Variants in MAGI2 observed in about 807,000 individuals in gnomAD.
The protein encoded by MAGI2 is membrane-associated guanylate kinase, WW and PDZ domain-containing protein 2.
Under a neutral mutation model 133.3 loss-of-function variants are expected in MAGI2, and 35 were observed. The observed-to-expected ratio is 0.26, with a 90% CI of 0.20 to 0.35. MAGI2 has a LOEUF of 0.35. MAGI2 is among the 10% of genes least tolerant of loss of function. The pLI is 1.00. For missense variants in MAGI2, 1,636 were observed against 1,863.4 expected (o/e 0.88, Z 2.25); for synonymous variants, 729 against 710.6 (o/e 1.03, Z -0.41).
intron 9 of MAGI2, among the ~76,000 whole-genome samples, chr7:78,307,807 AT>A (rs1798365322): frequency 6.6e-6 from 1 of 152,176 alleles, no homozygotes; most frequent in Non-Finnish European, 1.5e-5. Flanking sequence ...TATGATTAAA[AT>A]TTTCCAGAAT....
At chr7:78,109,328 A>AAAAAAAG (rs1363389946) in intron 20 of MAGI2, among the ~76,000 whole-genome samples, 26 of 136,382 alleles carry the variant, frequency 1.9e-4, no homozygotes, top group Non-Finnish European at 3.4e-4. Context: ...AAAAAAAAAA[A>AAAAAAAG]AAAAAAGAAA....
chr7:78,115,514 G>A (rs1819776266), intron 20 of MAGI2, among the ~76,000 whole-genome samples: 1 of 152,122 alleles, frequency 6.6e-6, no homozygotes, highest in African/African-American at 2.4e-5. Context: ...AAGGATAAAA[G>A]AGACATACCA....
At chr7:79,069,894 G>A (rs776020574) in intron 1 of MAGI2, among the ~76,000 whole-genome samples, 1 of 152,112 alleles carries the variant, frequency 6.6e-6, no homozygotes, top group Non-Finnish European at 1.5e-5. Flanking sequence ...GTAATTCTGG[G>A]TTGAAAATTC....
At chr7:78,255,603 A>C (rs1792884636) in intron 10 of MAGI2, 1 of 494,138 alleles carries the variant, frequency 2.0e-6, no homozygotes, top group South Asian at 2.6e-5. Context: ...AATCAATGGG[A>C]AACCAGTTTG....
chr7:79,135,975 GAA>G (rs1237016344), intron 1 of MAGI2, among the ~76,000 whole-genome samples: 2 of 30,494 alleles, frequency 6.6e-5, no homozygotes, highest in South Asian at 1.3e-3. Flanking sequence ...AAGAAAGAAA[GAA>G]AGAAAGAAAG....
At chr7:78,068,590 C>T (rs1814105966) in intron 21 of MAGI2, among the ~76,000 whole-genome samples, 1 of 152,098 alleles carries the variant, frequency 6.6e-6, no homozygotes, top group African/African-American at 2.4e-5. Context: ...GAACCTAAAA[C>T]TGCTCTAAAA....
intron 9 of MAGI2, among the ~76,000 whole-genome samples, chr7:78,313,429 A>T (rs959343337): frequency 3.3e-5 from 5 of 152,134 alleles, no homozygotes; most frequent in African/African-American, 1.2e-4. Context: ...GACATAAAAA[A>T]ATTCAAATTC....
At chr7:78,604,931 T>C (rs549249786) in intron 3 of MAGI2, among the ~76,000 whole-genome samples, 28 of 152,278 alleles carry the variant, frequency 1.8e-4, no homozygotes, top group South Asian at 4.1e-4. Flanking sequence ...AATACCCCCA[T>C]ACATCCCCCT....
At chr7:78,214,003 T>G (rs1450019167) in intron 10 of MAGI2, among the ~76,000 whole-genome samples, 1 of 152,202 alleles carries the variant, frequency 6.6e-6, no homozygotes, top group Non-Finnish European at 1.5e-5. Flanking sequence ...TGATTGCTGT[T>G]GAGTTGGAAT....
chr7:78,405,563 G>A (rs946787487), intron 6 of MAGI2, among the ~76,000 whole-genome samples: 13 of 152,066 alleles, frequency 8.5e-5, no homozygotes, highest in Admixed American at 2.6e-4. Flanking sequence ...GAGCAGTTAC[G>A]AAATACTAGA....
chr7:78,494,418 T>A (rs1793904894), intron 5 of MAGI2, among the ~76,000 whole-genome samples: 1 of 152,168 alleles, frequency 6.6e-6, no homozygotes, highest in Non-Finnish European at 1.5e-5. Flanking sequence ...ATGGATGCAG[T>A]ATGTGTTAGG....
At chr7:79,200,318 G>A (rs561293443) in intron 1 of MAGI2, among the ~76,000 whole-genome samples, 5 of 151,752 alleles carry the variant, frequency 3.3e-5, no homozygotes, top group Non-Finnish European at 5.9e-5. Flanking sequence ...CCTTACAACT[G>A]TTTCAAACAC....
At chr7:78,520,230 T>A (rs1306978476) in intron 4 of MAGI2, among the ~76,000 whole-genome samples, 1 of 152,194 alleles carries the variant, frequency 6.6e-6, no homozygotes, top group Non-Finnish European at 1.5e-5. Context: ...TAGCACAAAT[T>A]CGATTTTTGG....
chr7:78,337,914 A>G (rs545142211), intron 9 of MAGI2, among the ~76,000 whole-genome samples: 2 of 151,972 alleles, frequency 1.3e-5, no homozygotes, highest in East Asian at 3.9e-4. Context: ...CCATCCATCC[A>G]TCCATCCATC....
At chr7:78,853,779 T>C (rs1366998469) in intron 2 of MAGI2, among the ~76,000 whole-genome samples, 1 of 152,070 alleles carries the variant, frequency 6.6e-6, no homozygotes, top group East Asian at 1.9e-4. Flanking sequence ...GGATCATCAC[T>C]AATTTCCACA....
chr7:78,322,926 G>A (rs181218529), intron 9 of MAGI2, among the ~76,000 whole-genome samples: 7 of 152,082 alleles, frequency 4.6e-5, no homozygotes, highest in Admixed American at 4.6e-4. Flanking sequence ...ACACTGAAAG[G>A]TGAAGAATGC....
intron 3 of MAGI2, among the ~76,000 whole-genome samples, chr7:78,558,837 GTTTTTT>G (rs10691115): frequency 7.7e-6 from 1 of 130,054 alleles, no homozygotes; most frequent in Non-Finnish European, 1.6e-5. Flanking sequence ...TTGAGACACC[GTTTTTT>G]TTTTTTTTTT....
At chr7:79,320,703 T>C (rs1052774287) in intron 1 of MAGI2, among the ~76,000 whole-genome samples, 1 of 152,154 alleles carries the variant, frequency 6.6e-6, no homozygotes, top group African/African-American at 2.4e-5. Flanking sequence ...CTTGGATCTA[T>C]TGCTTTATTT....
At chr7:78,185,508 T>G (rs1827597629) in intron 13 of MAGI2, 121 bp downstream of exon 13, 5 of 650,640 alleles carry the variant, frequency 7.7e-6, no homozygotes, top group Non-Finnish European at 9.9e-6. Context: ...ATGTTTTATG[T>G]AGGTGACTAA....
Sources: gnomAD v4.1 joint callset for allele counts (sites outside exome capture counted in the v4.1 genomes callset) on GRCh38, gnomAD v4.1.1 for gene constraint, MANE v1.5 for transcripts, NCBI Gene and HGNC (gene_info 2026-07-23, HGNC 2026-07-21) for gene names.